GSE1: variants seen among roughly 807,000 people sequenced by gnomAD.
GSE1 encodes the protein genetic suppressor element 1.
In GSE1, 32 loss-of-function variants were observed where a neutral mutation model predicts 112.6. The ratio of observed to expected loss-of-function variants is 0.28; its 90% CI spans 0.21 to 0.38. The LOEUF (loss-of-function observed/expected upper bound fraction) is 0.38, where lower values mean the gene tolerates loss of function less well. GSE1 is among the 10% of genes least tolerant of loss of function. GSE1 has a pLI of 1.00. For missense variants in GSE1, 2,348 were observed against 1,699.2 expected, an observed-to-expected ratio of 1.38 and a Z score of -6.71; for synonymous variants, 1,115 against 735.6, an observed-to-expected ratio of 1.52 and a Z score of -8.35.
intron 2 of GSE1, among the ~76,000 whole-genome samples, chr16:85,485,287 C>T (rs971777921): frequency 6.6e-6 from 1 of 152,206 alleles, no homozygotes; most frequent in African/African-American, 2.4e-5. Context: ...CAGAGAATGG[C>T]GTTGGTCCGG....
At chr16:85,577,394 C>T (rs893457631) in intron 1 of GSE1, among the ~76,000 whole-genome samples, 1 of 152,170 alleles carries the variant, frequency 6.6e-6, no homozygotes, top group African/African-American at 2.4e-5. Flanking sequence ...GGAAGTGCTT[C>T]AGGGCCAGCC....
chr16:85,449,585 T>C (rs1369368386), intron 2 of GSE1, among the ~76,000 whole-genome samples: 1 of 152,272 alleles, frequency 6.6e-6, no homozygotes, highest in Non-Finnish European at 1.5e-5. Context: ...CGGCAGCTCC[T>C]GCCCTCTCTT....
At chr16:85,622,078 A>G (rs80306168) in intron 1 of GSE1, among the ~76,000 whole-genome samples, 5,056 of 152,300 alleles carry the variant, frequency 0.033, 249 homozygotes, top group African/African-American at 0.1. Context: ...TTACAGAATC[A>G]TTTAGACTTA....
chr16:85,388,584 G>GTGGGTGGATGGATGGA, intron 2 of GSE1, among the ~76,000 whole-genome samples: 2 of 149,514 alleles, frequency 1.3e-5, no homozygotes, highest in South Asian at 2.2e-4. Context: ...GAGTGGATGG[G>GTGGGTGGATGGATGGA]TGGGTGGATG....
In GSE1 at chr16:85,656,465, A is replaced by C. The variant is rs561298100; in HGVS notation, c.1112A>C (p.Gln371Pro). 1 of 1,530,992 alleles carries C rather than the reference A, an allele frequency of 6.5e-7. No homozygotes were observed. Among genetic ancestry groups the C allele is most frequent in the African/African-American group, 1.4e-5 (1 of 72,190 alleles). The allele number at this position is 1,530,992 out of a possible 1,614,324, so 94.8% of individuals were successfully genotyped here. The stretch of plus-strand genomic sequence containing the variant: ...CGCGAACGCGAGAAGGAGCGCGAGC[A>C]AGAGAAGGAGCGTGAGCGTGAGAAG... ...REREREKERE[Q>P]EKEREREKER... The change falls in exon 7 of 16, where the codon CAA becomes CCA. Residue 371 changes from glutamine (Q) to proline (P), a missense_variant. Coordinates refer to ENST00000253458, the MANE Select transcript of GSE1 (RefSeq NM_014615.5).
intron 2 of GSE1, among the ~76,000 whole-genome samples, chr16:85,538,656 T>G (rs1367991718): frequency 6.6e-6 from 1 of 152,010 alleles, no homozygotes; most frequent in Non-Finnish European, 1.5e-5. Flanking sequence ...GAGGCCCCTG[T>G]GGGGAGGAAG....
In GSE1 at chr16:85,400,063, G is replaced by A. The variant is rs34522915; in HGVS notation, c.2464+42420G>A. Among the ~76,000 whole-genome samples the A allele has an allele frequency of 1.0e-2, 1,516 of 152,338 alleles. 8 individuals carry two copies. Among genetic ancestry groups the A allele is most frequent in the Non-Finnish European group, 0.019 (1,294 of 68,028 alleles). ...GCCTCCTGCAGGGACCTTGTGTCAC[G>A]GCCACACGGAGCTACTGACTGCTGA... On this transcript the variant is annotated intron_variant, in intron 2 of 2. Transcript: ENST00000637419.
chr16:85,562,719 G>A (rs937779947), intron 1 of GSE1, among the ~76,000 whole-genome samples: 16 of 152,200 alleles, frequency 1.1e-4, no homozygotes, highest in African/African-American at 1.7e-4. Flanking sequence ...ACATGGACAC[G>A]TGTTGGGGGG....
At chr16:85,467,870 C>T (rs563283392) in intron 2 of GSE1, among the ~76,000 whole-genome samples, 2 of 152,342 alleles carry the variant, frequency 1.3e-5, no homozygotes, top group South Asian at 2.1e-4. Flanking sequence ...AGTGTGCTTA[C>T]AGCATAGGGA....
At chr16:85,328,565 A>G (rs772541490) in intron 1 of GSE1, among the ~76,000 whole-genome samples, 1 of 152,180 alleles carries the variant, frequency 6.6e-6, no homozygotes, top group Admixed American at 6.5e-5. Context: ...CCTGCTTCCC[A>G]AGCAACAGAG....
chr16:85,180,482 G>A (rs979709086), intron 1 of GSE1, among the ~76,000 whole-genome samples: 14 of 152,272 alleles, frequency 9.2e-5, no homozygotes, highest in Non-Finnish European at 1.8e-4. Context: ...GCTGCAAGGG[G>A]ACGCCAGTGT....
At chr16:85,551,326 G>T (rs1053867743), upstream of GSE1, among the ~76,000 whole-genome samples, 5 of 152,206 alleles carry the variant, frequency 3.3e-5, no homozygotes, top group African/African-American at 4.8e-5. Context: ...GCACCTGGCA[G>T]TCTGTCCTGG....
At chr16:85,410,579 C>T (rs1567748510) in intron 2 of GSE1, among the ~76,000 whole-genome samples, 1 of 9,044 alleles carries the variant, frequency 1.1e-4, no homozygotes, top group Non-Finnish European at 2.0e-4. Context: ...ATAATCCTCG[C>T]TGTTACACTC....
At chr16:85,376,455 C>T (rs1257345611) in intron 2 of GSE1, among the ~76,000 whole-genome samples, 3 of 152,312 alleles carry the variant, frequency 2.0e-5, no homozygotes, top group African/African-American at 7.2e-5. Context: ...GTCTGGCCAC[C>T]TCCTGGCTCC....
intron 2 of GSE1, among the ~76,000 whole-genome samples, chr16:85,523,610 G>C (rs1411316408): frequency 6.6e-6 from 1 of 152,234 alleles, no homozygotes; most frequent in Non-Finnish European, 1.5e-5. Flanking sequence ...GTGGGGGCTG[G>C]AGCTGATGCA....
At chr16:85,331,707 ATTTT>A (rs566551746) in intron 1 of GSE1, among the ~76,000 whole-genome samples, 6,398 of 51,636 alleles carry the variant, frequency 0.12, 281 homozygotes, top group East Asian at 0.31. Context: ...ATATATATAT[ATTTT>A]TTTTTTTTTT....
Position 85,643,552 on chromosome 16 carries a change from T to C in GSE1, c.227-5000T>C, listed in dbSNP as rs367944710. ...AGAAACGAGGCTCATTCAGAGACTC[T>C]GGAGTGGCAGCTGCCTTGGTCATGG... On this transcript the variant is annotated intron_variant, in intron 2 of 15. Coordinates refer to ENST00000253458, the MANE Select transcript of GSE1 (RefSeq NM_014615.5). Among the ~76,000 whole-genome samples, 236 of 151,944 alleles carry C rather than the reference T, an allele frequency of 1.6e-3. 2 individuals are homozygous for C. Among genetic ancestry groups the C allele is most frequent in the South Asian group, 0.011 (52 of 4,808 alleles).
At chr16:85,613,966 GA>G (rs1483832726) in intron 1 of GSE1, among the ~76,000 whole-genome samples, 1 of 151,630 alleles carries the variant, frequency 6.6e-6, no homozygotes, top group Non-Finnish European at 1.5e-5. Flanking sequence ...GGGAGGGCGG[GA>G]CCGCAGCCTG....
At chr16:85,624,613 A>G (rs2048949727) in intron 1 of GSE1, among the ~76,000 whole-genome samples, 1 of 152,240 alleles carries the variant, frequency 6.6e-6, no homozygotes, top group Non-Finnish European at 1.5e-5. Flanking sequence ...CACCATGGCC[A>G]GGACAGCTGG....
Sources: gnomAD v4.1 joint callset for allele counts (sites outside exome capture counted in the v4.1 genomes callset) on GRCh38, gnomAD v4.1.1 for gene constraint, MANE v1.5 for transcripts, NCBI Gene and HGNC (gene_info 2026-07-23, HGNC 2026-07-21) for gene names.